PELI2: variants seen among roughly 807,000 people sequenced by gnomAD.
PELI2 encodes the protein E3 ubiquitin-protein ligase pellino homolog 2.
In PELI2, 23 loss-of-function variants were observed where a neutral mutation model predicts 42.3. The ratio of observed to expected loss-of-function variants is 0.54; its 90% CI spans 0.39 to 0.77. The LOEUF is 0.77. Among genes scored for constraint, PELI2 ranks in the 30% least tolerant of loss-of-function variants. The pLI is 0.00. For missense variants in PELI2, 463 were observed against 553.2 expected (o/e 0.84, Z 1.64); for synonymous variants, 245 against 212.2 (o/e 1.15, Z -1.34).
chr14:56,290,349 G>C lies in PELI2; in HGVS notation c.589G>C (p.Gly197Arg). ...TNGVLVMHPRGGFTEESQPGV... is the reference protein window; with the variant it reads ...TNGVLVMHPRRGFTEESQPGV... ...TGGCGTCCTGGTGATGCATCCACGA[G>C]GGGGCTTCACCGAGGAGTCCCAGCC... The change falls in exon 5 of 6, where the codon GGG (glycine) becomes CGG (arginine). Residue 197 changes from glycine to arginine, a missense_variant. This residue lies in a region of PELI2 where 343 missense variants were observed against 378.4 expected (regional missense o/e 0.91). Coordinates refer to ENST00000267460, the MANE Select transcript of PELI2 (RefSeq NM_021255.3). The C allele has an allele frequency of 6.2e-7, 1 of 1,613,654 alleles. No homozygotes were observed. Among genetic ancestry groups the C allele is most frequent in the South Asian group, 1.1e-5 (1 of 91,026 alleles).
chr14:56,222,766 A>G (rs1887191900), intron 2 of PELI2, among the ~76,000 whole-genome samples: 2 of 152,168 alleles, frequency 1.3e-5, no homozygotes, highest in South Asian at 4.1e-4. Context: ...CTCTGACGCT[A>G]GGCTGTGTGG....
rs376370228 is a variant in PELI2, at chr14:56,211,202, C to T, written c.207+32738C>T. 1.4e-4 allele frequency among the ~76,000 whole-genome samples: 21 copies of T among 152,362 alleles called. 1 individual carries two copies. The highest frequency in any genetic ancestry group is 8.5e-4 in the Admixed American group (13 of 15,308). On this transcript the variant is annotated intron_variant, in intron 2 of 5. Transcript: ENST00000267460. ...AGTGCTTTGATCCCTTGAGTCAATG[C>T]TGCCAGTGCTGAAGCAACTTTAGCC...
chr14:56,125,217 TACTG>T (rs774143515), intron 1 of PELI2, among the ~76,000 whole-genome samples: 53 of 152,278 alleles, frequency 3.5e-4, no homozygotes, highest in Non-Finnish European at 6.2e-4. Flanking sequence ...TGACTCAAGA[TACTG>T]ACTGAGGACC....
At chr14:56,139,672 G>A (rs929733646) in intron 1 of PELI2, among the ~76,000 whole-genome samples, 1 of 151,846 alleles carries the variant, frequency 6.6e-6, no homozygotes, top group Admixed American at 6.6e-5. Context: ...ACCTTTTTCT[G>A]TTTTTCTATG....
At chr14:56,164,011 T>A (rs73290615) in intron 1 of PELI2, among the ~76,000 whole-genome samples, 4,744 of 152,234 alleles carry the variant, frequency 0.031, 246 homozygotes, top group African/African-American at 0.11. Context: ...CAAGGATAAT[T>A]TGACTTCCTA....
At chr14:56,183,543 A>G (rs1205644674) in intron 2 of PELI2, among the ~76,000 whole-genome samples, 2 of 152,210 alleles carry the variant, frequency 1.3e-5, no homozygotes, top group Non-Finnish European at 2.9e-5. Flanking sequence ...ATGTGAATGT[A>G]GCATGGAAGT....
rs1331008175 is a variant in PELI2, at chr14:56,297,191, TTATTAAC to T, written c.*26_*32del. On this transcript the variant is annotated 3_prime_UTR_variant, in exon 6 of 6. Transcript: ENST00000267460. ...ACGCCCTTGACAGCCATCTACGACT[TTATTAAC>T]AGGTTACTGTGAAGATTTTGCCACT... 5 of 1,515,004 alleles carry T rather than the reference TTATTAAC, an allele frequency of 3.3e-6. No homozygotes were observed. The highest frequency in any genetic ancestry group is 3.6e-6 in the Non-Finnish European group (4 of 1,112,104). 93.8% of individuals were successfully genotyped at this position (1,515,004 alleles called of 1,614,324 possible). A position where few individuals can be genotyped will look rare whatever the true frequency, so the allele number is the denominator to read the frequency against.
chr14:56,211,324 G>T (rs892769086), intron 2 of PELI2, among the ~76,000 whole-genome samples: 2 of 152,204 alleles, frequency 1.3e-5, no homozygotes, highest in African/African-American at 4.8e-5. Flanking sequence ...CTTCTGGCTG[G>T]TGTACAGACC....
At chr14:56,220,522 A>G (rs1887086725) in intron 2 of PELI2, among the ~76,000 whole-genome samples, 1 of 152,238 alleles carries the variant, frequency 6.6e-6, no homozygotes, top group Admixed American at 6.5e-5. Flanking sequence ...AACAGTTTGT[A>G]TAAAAGGACA....
At chr14:56,122,598 C>CTTT (rs34293379) in intron 1 of PELI2, among the ~76,000 whole-genome samples, 1 of 149,280 alleles carries the variant, frequency 6.7e-6, no homozygotes, top group African/African-American at 2.5e-5. Context: ...TTTTGCAAGA[C>CTTT]TTTTTTTTTT....
intron 2 of PELI2, among the ~76,000 whole-genome samples, chr14:56,277,030 A>G (rs1889318071): frequency 6.6e-6 from 1 of 152,212 alleles, no homozygotes; most frequent in African/African-American, 2.4e-5. Context: ...GGTCACAAGA[A>G]TATTTTTATA....
At chr14:56,181,739 C>A (rs1002123967) in intron 2 of PELI2, among the ~76,000 whole-genome samples, 2 of 152,098 alleles carry the variant, frequency 1.3e-5, no homozygotes, top group African/African-American at 4.8e-5. Flanking sequence ...ATGAGGATGG[C>A]AAGTGCGTGC....
chr14:56,290,113 A>G (rs1048059376), intron 4 of PELI2, among the ~76,000 whole-genome samples, 155 bp from the exon 5 acceptor site: 1 of 152,216 alleles, frequency 6.6e-6, no homozygotes, highest in Non-Finnish European at 1.5e-5. Context: ...AGGATGGCAT[A>G]TGTTATCCTT....
intron 2 of PELI2, among the ~76,000 whole-genome samples, chr14:56,242,430 T>A (rs571480075): frequency 6.6e-6 from 1 of 151,898 alleles, no homozygotes; most frequent in South Asian, 2.1e-4. Context: ...AAATAGGAGG[T>A]CAAAAGTAAC....
chr14:56,143,829 G>A (rs888772612), intron 1 of PELI2, among the ~76,000 whole-genome samples: 1 of 152,164 alleles, frequency 6.6e-6, no homozygotes, highest in Non-Finnish European at 1.5e-5. Context: ...GGCTCACCTT[G>A]TATTTTCCCT....
chr14:56,119,716 A>T lies in PELI2; in HGVS notation c.77+979A>T, dbSNP rs1882993916. On this transcript the variant is annotated intron_variant, in intron 1 of 5. Transcript: ENST00000267460. Reference sequence around the variant, plus strand: ...AGTGAAAGGGGAGGGGGAAGGGGGAAGTGCAGGAAACTGGGGGGAAGGAAC... The same window carrying T: ...AGTGAAAGGGGAGGGGGAAGGGGGATGTGCAGGAAACTGGGGGGAAGGAAC... 6.5e-6 allele frequency: 6 copies of T among 927,326 alleles called. No homozygotes were observed. In the South Asian group the frequency reaches 2.5e-4, roughly 38 times the overall value. 57.4% of individuals were successfully genotyped at this position (927,326 alleles called of 1,614,324 possible).
At chr14:56,132,831 A>G (rs1883540248) in intron 1 of PELI2, among the ~76,000 whole-genome samples, 1 of 152,080 alleles carries the variant, frequency 6.6e-6, no homozygotes, top group African/African-American at 2.4e-5. Flanking sequence ...AGTTTTCCCT[A>G]GGTTAAGCCA....
At chr14:56,141,397 G>C (rs762668396) in intron 1 of PELI2, among the ~76,000 whole-genome samples, 6 of 152,194 alleles carry the variant, frequency 3.9e-5, no homozygotes, top group Non-Finnish European at 8.8e-5. Context: ...AGAATGGCCA[G>C]TTGGGCAACT....
At chr14:56,247,800 C>T (rs894291061) in intron 2 of PELI2, among the ~76,000 whole-genome samples, 9 of 152,156 alleles carry the variant, frequency 5.9e-5, no homozygotes, top group South Asian at 2.1e-4. Flanking sequence ...ATAGAAATGT[C>T]GAGACAGACC....
Sources: allele counts gnomAD v4.1 joint callset (sites outside exome capture counted in the v4.1 genomes callset), GRCh38; gene constraint gnomAD v4.1.1; regional missense constraint gnomAD v4.1.1; transcripts MANE v1.5; gene names NCBI Gene and HGNC (gene_info 2026-07-23, HGNC 2026-07-21).